ZNRF2: variants seen among roughly 807,000 people sequenced by gnomAD.
The protein encoded by ZNRF2 is zinc and ring finger 2, also known as E3 ubiquitin-protein ligase ZNRF2.
In ZNRF2, 16 loss-of-function variants were observed where a neutral mutation model predicts 20.4. The ratio of observed to expected loss-of-function variants is 0.79; its 90% CI spans 0.53 to 1.19. The LOEUF (loss-of-function observed/expected upper bound fraction) is 1.19, where lower values mean the gene tolerates loss of function less well. Among genes scored for constraint, ZNRF2 ranks in the 50% most tolerant of loss-of-function variants. The pLI is 0.00. For missense variants in ZNRF2, 363 were observed against 332.4 expected, an observed-to-expected ratio of 1.09 and a Z score of -0.72; for synonymous variants, 178 against 144.9, an observed-to-expected ratio of 1.23 and a Z score of -1.64.
At position 30,293,456 on chromosome 7, in the gene ZNRF2, C is replaced by A. The variant is rs145922301; in HGVS notation, c.469+7630C>A. 1.0e-3 allele frequency among the ~76,000 whole-genome samples: 154 copies of A among 152,188 alleles called. No homozygotes were observed. In the South Asian group the frequency reaches 0.011, roughly 11 times the overall value. On this transcript the variant is annotated intron_variant, in intron 1 of 4. Coordinates refer to ENST00000323037, the MANE Select transcript of ZNRF2 (RefSeq NM_147128.4). ...TAGAGACTGGGTTTTGCCATGTTGG[C>A]CAGGCTAGTCTTGAGCTCTTGGCCT... is the stretch of plus-strand genomic sequence containing the variant.
intron 1 of ZNRF2, among the ~76,000 whole-genome samples, chr7:30,287,713 G>C (rs1318613511): frequency 5.9e-5 from 9 of 151,674 alleles, no homozygotes; most frequent in Non-Finnish European, 1.2e-4. Context: ...TAGTAGTACA[G>C]TGACACTTTC....
chr7:30,306,341 T>G lies in ZNRF2; in HGVS notation c.470-17301T>G, dbSNP rs577088763. Among the ~76,000 whole-genome samples the G allele has an allele frequency of 3.9e-5, 6 of 151,958 alleles. No individual in the cohort carries two copies. In the South Asian group the frequency reaches 1.2e-3, roughly 32 times the overall value. On this transcript the variant is annotated intron_variant, in intron 1 of 4. Coordinates refer to ENST00000323037, the MANE Select transcript of ZNRF2 (RefSeq NM_147128.4). ...TATGGCTTATTATCAAAATAATAAATTCTCCTATCTGCAAGTTGCCTTAAA... is the reference window on the plus strand; with the variant it reads ...TATGGCTTATTATCAAAATAATAAAGTCTCCTATCTGCAAGTTGCCTTAAA...
chr7:30,304,751 G>T (rs1044646218), intron 1 of ZNRF2, among the ~76,000 whole-genome samples: 1 of 152,104 alleles, frequency 6.6e-6, no homozygotes, highest in African/African-American at 2.4e-5. Context: ...CATTGAGAGA[G>T]CTGATTGATG....
At chr7:30,339,803 A>T (rs1799768438) in intron 2 of ZNRF2, among the ~76,000 whole-genome samples, 1 of 152,172 alleles carries the variant, frequency 6.6e-6, no homozygotes, top group African/African-American at 2.4e-5. Context: ...CTGTGAAGAA[A>T]GTCATTGGTA....
chr7:30,339,550 G>A (rs945507245), intron 2 of ZNRF2, among the ~76,000 whole-genome samples: 1 of 152,116 alleles, frequency 6.6e-6, no homozygotes, highest in Admixed American at 6.6e-5. Context: ...TTTTTGTCAG[G>A]TTTGTCAAAG....
chr7:30,294,581 G>A lies in ZNRF2; in HGVS notation c.469+8755G>A, dbSNP rs150280474. Among the ~76,000 whole-genome samples the A allele has an allele frequency of 1.2e-3, 175 of 152,120 alleles. 1 individual carries two copies. The East Asian group carries it at 0.031, about 27-fold the overall frequency. ...GTGGATCATCTGAGGTCAGGAGTTC[G>A]AGACCAGCCTGGACAACATGGTGAA... On this transcript the variant is annotated intron_variant, in intron 1 of 4. Coordinates refer to ENST00000323037, the MANE Select transcript of ZNRF2 (RefSeq NM_147128.4).
At chr7:30,332,608 A>C (rs1799653160) in intron 2 of ZNRF2, among the ~76,000 whole-genome samples, 1 of 152,146 alleles carries the variant, frequency 6.6e-6, no homozygotes, top group Non-Finnish European at 1.5e-5. Flanking sequence ...CACATTTATA[A>C]GTGAGAACAT....
intron 2 of ZNRF2, among the ~76,000 whole-genome samples, chr7:30,325,924 C>T (rs907824522): frequency 1.3e-5 from 2 of 152,026 alleles, no homozygotes; most frequent in African/African-American, 4.8e-5. Flanking sequence ...TTTTTCATAC[C>T]TGCTCCACTA....
At chr7:30,321,583 C>T (rs906434835) in intron 1 of ZNRF2, among the ~76,000 whole-genome samples, 7 of 152,206 alleles carry the variant, frequency 4.6e-5, no homozygotes, top group East Asian at 1.9e-4. Flanking sequence ...TTAGGCTCTA[C>T]TTTGTAGGCA....
intron 1 of ZNRF2, among the ~76,000 whole-genome samples, chr7:30,294,346 T>C (rs1263706615): frequency 1.3e-5 from 2 of 152,248 alleles, no homozygotes; most frequent in African/African-American, 4.8e-5. Flanking sequence ...CATTTTTGTT[T>C]CTTTTAAAAT....
intron 2 of ZNRF2, among the ~76,000 whole-genome samples, chr7:30,330,653 A>G (rs998347064): frequency 7.9e-5 from 12 of 152,082 alleles, no homozygotes; most frequent in Admixed American, 1.3e-4. Context: ...TTATAAGCCT[A>G]TCTTCTGCCT....
Position 30,285,428 on chromosome 7 carries a change from CT to C in ZNRF2, c.73del (p.Ser25ProfsTer118). The part of the protein sequence containing the change: ...RTRAYSGSDL[P>X]SSSSGGANGT... ...CGCGCGTACTCGGGCTCGGATCTAC[CT>C]TCCAGTAGCAGCGGAGGCGCCAATG... is the stretch of plus-strand genomic sequence containing the variant. On this transcript the variant is annotated frameshift_variant, in exon 1 of 5. Transcript: ENST00000323037. LOFTEE classifies it high-confidence loss of function. The C allele has an allele frequency of 3.3e-6, 4 of 1,214,132 alleles. No homozygotes were observed. Among genetic ancestry groups the C allele is most frequent in the African/African-American group, 3.3e-5 (2 of 60,438 alleles). 75.2% of individuals were successfully genotyped at this position (1,214,132 alleles called of 1,614,324 possible).
chr7:30,323,784 C>T (rs370548143), intron 2 of ZNRF2, 47 bp downstream of exon 2: 3 of 1,198,014 alleles, frequency 2.5e-6, no homozygotes, highest in Non-Finnish European at 3.5e-6. Flanking sequence ...AATTAACTTA[C>T]ATTTTATGAA....
chr7:30,294,871 T>C (rs1423544491), intron 1 of ZNRF2, among the ~76,000 whole-genome samples: 1 of 151,846 alleles, frequency 6.6e-6, no homozygotes, highest in African/African-American at 2.4e-5. Context: ...TAGCATTAAG[T>C]GGAAAAACTG....
At chr7:30,303,255 T>A in intron 1 of ZNRF2, among the ~76,000 whole-genome samples, 1 of 144,392 alleles carries the variant, frequency 6.9e-6, no homozygotes, top group African/African-American at 2.6e-5. Flanking sequence ...GGAAATGAGA[T>A]CCTGTCTCAA....
At chr7:30,304,637 G>C (rs1799171752) in intron 1 of ZNRF2, among the ~76,000 whole-genome samples, 1 of 152,200 alleles carries the variant, frequency 6.6e-6, no homozygotes, top group Non-Finnish European at 1.5e-5. Context: ...AAGTATGAAT[G>C]GGTGTTACCA....
intron 1 of ZNRF2, among the ~76,000 whole-genome samples, chr7:30,318,850 G>A (rs1197185250): frequency 6.6e-6 from 1 of 152,142 alleles, no homozygotes; most frequent in Non-Finnish European, 1.5e-5. Context: ...GTTGGCTCAC[G>A]CCTGCAATCC....
chr7:30,352,538 A>C (rs1157424914), intron 2 of ZNRF2, among the ~76,000 whole-genome samples: 9 of 152,046 alleles, frequency 5.9e-5, no homozygotes, highest in African/African-American at 2.2e-4. Flanking sequence ...TTACTACTCT[A>C]GATGTTGAGG....
At chr7:30,327,211 C>T (rs1272401175) in intron 2 of ZNRF2, among the ~76,000 whole-genome samples, 1 of 152,090 alleles carries the variant, frequency 6.6e-6, no homozygotes, top group Non-Finnish European at 1.5e-5. Context: ...TTTGCCTGTT[C>T]TTATGTCTAT....
Sources: allele counts gnomAD v4.1 joint callset (sites outside exome capture counted in the v4.1 genomes callset), GRCh38; gene constraint gnomAD v4.1.1; transcripts MANE v1.5; gene names NCBI Gene and HGNC (gene_info 2026-07-23, HGNC 2026-07-21).